Variants in OSBPL7 observed in about 807,000 individuals in gnomAD.
OSBPL7 encodes the protein oxysterol binding protein like 7, also known as oxysterol-binding protein-related protein 7.
OSBPL7 carries 66 observed loss-of-function variants against 115.8 expected under a neutral mutation model. The observed-to-expected ratio is 0.57, with a 90% CI of 0.47 to 0.70. The LOEUF (loss-of-function observed/expected upper bound fraction) is 0.70. Ranked by LOEUF, OSBPL7 falls within the 30% of genes least tolerant of loss-of-function variation. The pLI, the probability that OSBPL7 is intolerant of heterozygous loss-of-function variation, is 0.00. For synonymous variants in OSBPL7, 441 were observed against 439.2 expected (o/e 1.00, Z -0.05); for missense variants, 902 against 1,125.5 (o/e 0.80, Z 2.84).
At position 47,818,341 on chromosome 17, in the gene OSBPL7, G is replaced by A; in HGVS notation, c.526C>T (p.Pro176Ser). The A allele has an allele frequency of 1.9e-6, 3 of 1,614,174 alleles. No individual in the cohort carries two copies. Among genetic ancestry groups the A allele is most frequent in the Non-Finnish European group, 2.5e-6 (3 of 1,180,024 alleles). Residue 176 changes from proline to serine, a missense_variant, in exon 7 of 23, where the codon CCT (proline) becomes TCT (serine). By Grantham distance (74) the Pro-to-Ser change is moderately conservative. This residue lies in a region of OSBPL7 where 667 missense variants were observed against 788.7 expected (regional missense o/e 0.85). Coordinates refer to ENST00000007414, the MANE Select transcript of OSBPL7 (RefSeq NM_145798.3). ...LPTAATASAL[P>S]GLGPREKVSS... ...ACTTTCTCCCGCGGTCCAAGCCCAG[G>A]TAGGGCTGAGGCAGTAGCTGCTGTT...
At position 47,807,946 on chromosome 17, in the gene OSBPL7, C is replaced by T. The variant is rs2143513029; in HGVS notation, c.*345G>A. ...GGAGCGTCAAGGAGTCCCCTGTGTC[C>T]TAGGAAGGCACTGAAATAGGGAACA... On this transcript the variant is annotated 3_prime_UTR_variant, in exon 23 of 23. Transcript: ENST00000007414. 3.1e-6 allele frequency: 1 copy of T among 323,912 alleles called. No homozygotes were observed. The highest frequency in any genetic ancestry group is 6.3e-5 in the East Asian group (1 of 15,752). 20.1% of individuals were successfully genotyped at this position (323,912 alleles called of 1,614,324 possible).
At position 47,815,755 on chromosome 17, in the gene OSBPL7, G is replaced by T. The variant is rs57641110; in HGVS notation, c.1119+352C>A. The T allele has an allele frequency of 4.3e-3, 1,362 of 315,622 alleles. 21 individuals carry two copies. Among genetic ancestry groups the T allele is most frequent in the African/African-American group, 0.027 (1,273 of 46,402 alleles). 19.6% of individuals were successfully genotyped at this position (315,622 alleles called of 1,614,324 possible). A position where few individuals can be genotyped will look rare whatever the true frequency, so the allele number is the denominator to read the frequency against. On this transcript the variant is annotated intron_variant, in intron 12 of 22. Transcript: ENST00000007414. Reference sequence around the variant, plus strand: ...AGGCAGGAGAGCCAGATTTGAACCCGTGGAACGTAGCCCCAGCGTCTGTGC... The same window carrying T: ...AGGCAGGAGAGCCAGATTTGAACCCTTGGAACGTAGCCCCAGCGTCTGTGC...
rs976211563 is a variant in OSBPL7, at chr17:47,809,110, T to A, written c.2136A>T (p.Gly712=). The change falls in exon 20 of 23, where the codon GGA becomes GGT. Residue 712 remains glycine (G), a synonymous_variant. Transcript: ENST00000007414. ...AGATGCACTGGCCACCTGGCGTGGG[T>A]CCCCGGTACAGCCCCTCGTGCCACT... The part of the protein sequence containing the change: ...FGKWHEGLYR[G]PTPGGQCIWK... The A allele has an allele frequency of 1.5e-5, 25 of 1,613,894 alleles. No individual in the cohort carries two copies. Among genetic ancestry groups the A allele is most frequent in the Non-Finnish European group, 2.1e-5 (25 of 1,179,982 alleles).
intron 16 of OSBPL7, among the ~76,000 whole-genome samples, chr17:47,812,474 G>A (rs1018903): frequency 0.57 from 86,842 of 152,056 alleles, 25,105 homozygotes; most frequent in East Asian, 0.78. Flanking sequence ...TGTGGAAGTC[G>A]AGCCCACATA....
At chr17:47,819,142 G>T in intron 4 of OSBPL7, 43 bp from the exon 5 acceptor site, 3 of 1,542,162 alleles carry the variant, frequency 1.9e-6, no homozygotes, top group Non-Finnish European at 2.7e-6. Flanking sequence ...ACCTGTTTTA[G>T]GCTCTCAGAG....
chr17:47,817,291 G>C lies in OSBPL7; in HGVS notation c.667C>G (p.Arg223Gly). ...RLLQSLESLH[R>G]IPSAPVIPTH... ...GGGATAACAGGGGCTGAGGGGATTC[G>C]GTGCAGGGACTCCAGGCTCTGGAGG... The change falls in exon 8 of 23, where the codon CGA (arginine) becomes GGA (glycine). Residue 223 changes from arginine (R) to glycine (G), a missense_variant. By Grantham distance (125) the Arg-to-Gly change is moderately radical. This residue lies in a region of OSBPL7 where 667 missense variants were observed against 788.7 expected (regional missense o/e 0.85). Transcript: ENST00000007414. 6.2e-7 allele frequency: 1 copy of C among 1,602,252 alleles called. No homozygotes were observed. Among genetic ancestry groups the C allele is most frequent in the East Asian group, 2.2e-5 (1 of 44,788 alleles).
At chr17:47,814,780 A>T in intron 13 of OSBPL7, 166 bp from the exon 14 acceptor site, 2 of 646,488 alleles carry the variant, frequency 3.1e-6, no homozygotes, top group South Asian at 4.0e-5. Flanking sequence ...GATGCCTGGC[A>T]TCACGGAGTG....
rs779655532 is a variant in OSBPL7 at position 47,818,328 on chromosome 17, G to T, written c.539C>A (p.Pro180Gln). 3 of 1,614,160 alleles carry T rather than the reference G, an allele frequency of 1.9e-6. No individual in the cohort carries two copies. The highest frequency in any genetic ancestry group is 1.7e-6 in the Non-Finnish European group (2 of 1,180,024). Residue 180 changes from proline (P) to glutamine (Q), a missense_variant, in exon 7 of 23, where the codon CCG (proline) becomes CAG (glutamine). By Grantham distance (76) the Pro-to-Gln change is moderately conservative. This residue lies in a region of OSBPL7 where 667 missense variants were observed against 788.7 expected (regional missense o/e 0.85). Coordinates refer to ENST00000007414, the MANE Select transcript of OSBPL7 (RefSeq NM_145798.3). ...ATASALPGLG[P>Q]REKVSSWLRD... ...CAGCCAGGAAGACACTTTCTCCCGC[G>T]GTCCAAGCCCAGGTAGGGCTGAGGC...
chr17:47,819,165 C>T, intron 4 of OSBPL7, 66 bp from the exon 5 acceptor site: 1 of 1,360,866 alleles, frequency 7.3e-7, no homozygotes, highest in Non-Finnish European at 1.0e-6. Flanking sequence ...ATAGAGCCAC[C>T]ATCTCCCTGA....
At position 47,816,427 on chromosome 17, in the gene OSBPL7, C is replaced by T; in HGVS notation, c.984G>A (p.Leu328=). ...LAALTMERDQ[L]RDMHQGSELS... is the part of the protein sequence containing the mutation. ...ACTCTGAGCCCTGGTGCATGTCCCT[C>T]AGTTGGTCCCGTTCCATGGTGAGGG... is the stretch of plus-strand genomic sequence containing the variant. Residue 328 remains leucine (L), a synonymous_variant, in exon 11 of 23, where the codon CTG becomes CTA. Transcript: ENST00000007414. The surrounding 1 kb of genome is among the most constrained non-coding windows in gnomAD (Gnocchi z 5.8). 6.5e-7 allele frequency: 1 copy of T among 1,541,646 alleles called. No homozygotes were observed. The highest frequency in any genetic ancestry group is 1.2e-5 in the South Asian group (1 of 81,426).
In OSBPL7 at chr17:47,808,773, C is replaced by T; in HGVS notation, c.2297+91G>A. 1 of 1,601,802 alleles carries T rather than the reference C, an allele frequency of 6.2e-7. No homozygotes were observed. On this transcript the variant is annotated intron_variant, in intron 21 of 22. Coordinates refer to ENST00000007414, the MANE Select transcript of OSBPL7 (RefSeq NM_145798.3). This position sits in a 1 kb window ranked among gnomAD's most constrained non-coding sequence, Gnocchi z 6.1. ...TAGACAAGCCCCACTTCTCTGAGGCCACTCAGTGAAGGAAGGACAAAGCCC... is the reference window on the plus strand; with the variant it reads ...TAGACAAGCCCCACTTCTCTGAGGCTACTCAGTGAAGGAAGGACAAAGCCC...
Position 47,818,289 on chromosome 17 carries a change from C to G in OSBPL7, c.578G>C (p.Gly193Ala), listed in dbSNP as rs1194426841. Residue 193 changes from glycine (G) to alanine (A), a missense_variant, in exon 7 of 23, where the codon GGG becomes GCG. Coordinates refer to ENST00000007414, the MANE Select transcript of OSBPL7 (RefSeq NM_145798.3). ...KVSSWLRDSD[G>A]LDRCSHELSE... The stretch of plus-strand genomic sequence containing the variant: ...CTCACCATGAGAGCAGCGGTCCAGC[C>G]CATCACTGTCCCTCAGCCAGGAAGA... 1.9e-6 allele frequency: 3 copies of G among 1,613,810 alleles called. No individual in the cohort carries two copies.
intron 18 of OSBPL7, among the ~76,000 whole-genome samples, chr17:47,809,911 C>CTTTTCT (rs1555630876): frequency 6.4e-5 from 3 of 46,706 alleles, no homozygotes; most frequent in Non-Finnish European, 1.6e-4. Flanking sequence ...CTTTTCTTTT[C>CTTTTCT]TTTTTTTTTT....
chr17:47,813,904 C>T (rs1454601878), intron 14 of OSBPL7, 70 bp from the exon 15 acceptor site: 4 of 1,508,720 alleles, frequency 2.7e-6, no homozygotes, highest in Non-Finnish European at 3.5e-6. Context: ...GCCCACAGCC[C>T]AGTCCAGGGC....
chr17:47,813,562 G>A, intron 15 of OSBPL7, 25 bp downstream of exon 15: 2 of 1,600,338 alleles, frequency 1.2e-6, no homozygotes, highest in Non-Finnish European at 1.7e-6. Flanking sequence ...GCCTTGGGCT[G>A]GGCGTGAGGA....
In OSBPL7 at chr17:47,819,979, A is replaced by C; in HGVS notation, c.193T>G (p.Trp65Gly). The change falls in exon 3 of 23, where the codon TGG becomes GGG. Residue 65 changes from tryptophan to glycine, a missense_variant. Coordinates refer to ENST00000007414, the MANE Select transcript of OSBPL7 (RefSeq NM_145798.3). The stretch of plus-strand genomic sequence containing the variant: ...TTGCCTGCCCACCCTACCTTGTGCC[A>C]GCCCTTCAGAGGCCACTTCCTCTTC... ...LKKRKWPLKGWHKRYFVLEDG... is the reference protein window; with the variant it reads ...LKKRKWPLKGGHKRYFVLEDG... The C allele has an allele frequency of 1.5e-6, 2 of 1,299,092 alleles. No homozygotes were observed. Among genetic ancestry groups the C allele is most frequent in the Non-Finnish European group, 1.0e-6 (1 of 999,614 alleles). 80.5% of individuals were successfully genotyped at this position (1,299,092 alleles called of 1,614,324 possible). A position where few individuals can be genotyped will look rare whatever the true frequency, so the allele number is the denominator to read the frequency against.
chr17:47,818,261 C>T lies in OSBPL7; in HGVS notation c.598+8G>A, dbSNP rs770769394. The T allele has an allele frequency of 6.2e-7, 1 of 1,610,260 alleles. No individual in the cohort carries two copies. Reference sequence around the variant, plus strand: ...ACCCTTGGAGGTGCTGCGCCTAGGGCCCCTCACCATGAGAGCAGCGGTCCA... The same window carrying T: ...ACCCTTGGAGGTGCTGCGCCTAGGGTCCCTCACCATGAGAGCAGCGGTCCA... On this transcript the variant is annotated splice_region_variant and intron_variant, in intron 7 of 22. Coordinates refer to ENST00000007414, the MANE Select transcript of OSBPL7 (RefSeq NM_145798.3).
rs1567942652 is a variant in OSBPL7, at chr17:47,815,706, G to A, written c.1120-354C>T. ...CCCCCACTTTGCAGATTGGAATGCT[G>A]AGGCTCAGGATCACAAAGCCGGCAG... On this transcript the variant is annotated intron_variant, in intron 12 of 22. Transcript: ENST00000007414. 9.3e-6 allele frequency: 3 copies of A among 322,404 alleles called. No individual in the cohort carries two copies. In the South Asian group the frequency reaches 1.5e-4, roughly 16 times the overall value. The allele number at this position is 322,404 out of a possible 1,614,324, so 20.0% of individuals were successfully genotyped here. A position where few individuals can be genotyped will look rare whatever the true frequency, so the allele number is the denominator to read the frequency against.
In OSBPL7 at chr17:47,816,477, T is replaced by C; in HGVS notation, c.934A>G (p.Ser312Gly). 1 of 1,544,892 alleles carries C rather than the reference T, an allele frequency of 6.5e-7. No homozygotes were observed. Among genetic ancestry groups the C allele is most frequent in the Non-Finnish European group, 8.7e-7 (1 of 1,143,930 alleles). Residue 312 changes from serine (S) to glycine (G), a missense_variant, in exon 11 of 23, where the codon AGC becomes GGC. Physicochemically the swap from Ser to Gly is moderately conservative, Grantham distance 56. Coordinates refer to ENST00000007414, the MANE Select transcript of OSBPL7 (RefSeq NM_145798.3). The surrounding 1 kb of genome is among the most constrained non-coding windows in gnomAD (Gnocchi z 5.8). Reference sequence around the variant, plus strand: ...GCGGCCAGGACGCTGCTGAGGGAGCTGTGCACTACAGGGAGTGGGGCAGAC... The same window carrying C: ...GCGGCCAGGACGCTGCTGAGGGAGCCGTGCACTACAGGGAGTGGGGCAGAC... ...SFWALAQKVHSSLSSVLAALT... is the reference protein window; with the variant it reads ...SFWALAQKVHGSLSSVLAALT...
Sources: gnomAD v4.1 joint callset for allele counts (sites outside exome capture counted in the v4.1 genomes callset) on GRCh38, gnomAD v4.1.1 for gene constraint, gnomAD v4.1.1 regional missense constraint, Gnocchi (gnomAD v3.1) non-coding constraint, MANE v1.5 for transcripts, NCBI Gene and HGNC (gene_info 2026-07-23, HGNC 2026-07-21) for gene names.